The following ENOX2 variants were observed in gnomAD, a reference collection of about 807,000 sequenced individuals.
The protein encoded by ENOX2 is APK1 antigen.
ENOX2 carries 36 observed loss-of-function variants against 45.0 expected under a neutral mutation model. The ratio of observed to expected loss-of-function variants is 0.80; its 90% CI spans 0.61 to 1.06. The LOEUF is 1.06. ENOX2 is among the 50% of genes least tolerant of loss of function. The pLI, the probability that ENOX2 is intolerant of heterozygous loss-of-function variation, is 0.00. For synonymous variants in ENOX2, 174 were observed against 152.3 expected (o/e 1.14, Z -1.05); for missense variants, 423 against 462.5 (o/e 0.91, Z 0.78).
intron 2 of ENOX2, among the ~76,000 whole-genome samples, chrX:130,826,318 T>C (rs2077720069): frequency 9.0e-6 from 1 of 111,495 alleles, no homozygotes; most frequent in African/African-American, 3.3e-5. Context: ...TTTTTGTAAA[T>C]AAATAAATAA....
At chrX:130,700,644 A>G (rs1307486515) in intron 4 of ENOX2, among the ~76,000 whole-genome samples, 1 of 112,269 alleles carries the variant, frequency 8.9e-6, no homozygotes, top group Non-Finnish European at 1.9e-5. Context: ...CCTCTACATC[A>G]AAGAGCATAT....
intron 2 of ENOX2, among the ~76,000 whole-genome samples, chrX:130,845,407 G>A (rs998081836): frequency 6.2e-5 from 7 of 112,747 alleles, no homozygotes; most frequent in East Asian, 2.8e-4. Context: ...AGCTCTTTCA[G>A]TGCAAAGAAG....
At chrX:130,865,060 G>A (rs1167893147) in intron 2 of ENOX2, among the ~76,000 whole-genome samples, 1 of 69,267 alleles carries the variant, frequency 1.4e-5, no homozygotes, top group Non-Finnish European at 2.8e-5. Context: ...TTTTTTTTTT[G>A]AAATTAACGA....
rs73635936 is a variant in ENOX2 at position 130,714,655 on chromosome X, T to C, written c.-38-11401A>G. Among the ~76,000 whole-genome samples the C allele has an allele frequency of 4.6e-3, 510 of 112,070 alleles. 5 individuals carry two copies. Among genetic ancestry groups the C allele is most frequent in the African/African-American group, 0.016 (493 of 30,874 alleles). Reference sequence around the variant, plus strand: ...AGACTACGAGATACATTCTGAATATTAATTTAACAAACTTGTGAAAGCCAT... The same window carrying C: ...AGACTACGAGATACATTCTGAATATCAATTTAACAAACTTGTGAAAGCCAT... On this transcript the variant is annotated intron_variant, in intron 3 of 14. Transcript: ENST00000394363.
At chrX:130,663,424 G>C (rs1227659663) in intron 9 of ENOX2, among the ~76,000 whole-genome samples, 1 of 109,616 alleles carries the variant, frequency 9.1e-6, no homozygotes, top group Non-Finnish European at 1.9e-5. Flanking sequence ...CCAGCTACTT[G>C]GGAGGCTGAG....
At chrX:130,802,719 T>C (rs1023522891) in intron 2 of ENOX2, among the ~76,000 whole-genome samples, 2 of 111,662 alleles carry the variant, frequency 1.8e-5, no homozygotes, top group Non-Finnish European at 3.8e-5. Flanking sequence ...TTTTTAATAA[T>C]TACTAGGAGC....
chrX:130,681,307 A>C (rs937832015), intron 5 of ENOX2, among the ~76,000 whole-genome samples: 4 of 112,340 alleles, frequency 3.6e-5, no homozygotes, highest in African/African-American at 9.7e-5. Flanking sequence ...ATTTGAATCA[A>C]TTTGGAAGTT....
intron 9 of ENOX2, among the ~76,000 whole-genome samples, chrX:130,658,925 C>T (rs1014208693): frequency 8.9e-6 from 1 of 112,053 alleles, no homozygotes; most frequent in African/African-American, 3.2e-5. Flanking sequence ...TGGATATAAA[C>T]ACAGACCTTC....
chrX:130,821,742 TAAAAAAAA>T lies in ENOX2; in HGVS notation c.-182-38060_-182-38053del. 7.8e-4 allele frequency among the ~76,000 whole-genome samples: 18 copies of T among 23,162 alleles called. No individual in the cohort carries two copies. The South Asian group carries it at 0.011, about 14-fold the overall frequency. 20.1% of individuals were successfully genotyped at this position (23,162 alleles called of 115,157 possible). On this transcript the variant is annotated intron_variant, in intron 2 of 14. Transcript: ENST00000394363. The stretch of plus-strand genomic sequence containing the variant: ...AATAAATAAAAATAAATAAATAAAT[TAAAAAAAA>T]AAAAAAAAAAAAAAAAAAAGAATAA...
At chrX:130,670,516 TG>T (rs1276465602) in intron 6 of ENOX2, among the ~76,000 whole-genome samples, 2 of 110,744 alleles carry the variant, frequency 1.8e-5, no homozygotes, top group Non-Finnish European at 3.8e-5. Context: ...GTTGGCTCCG[TG>T]GGTAATAGTA....
chrX:130,882,422 CAGTT>C (rs1211569319), intron 2 of ENOX2, among the ~76,000 whole-genome samples: 2 of 108,517 alleles, frequency 1.8e-5, no homozygotes, highest in African/African-American at 3.4e-5. Flanking sequence ...AACATTCTAA[CAGTT>C]AGGCATAAAA....
chrX:130,744,067 A>G (rs1477264823), intron 3 of ENOX2, among the ~76,000 whole-genome samples: 1 of 112,028 alleles, frequency 8.9e-6, no homozygotes, highest in Non-Finnish European at 1.9e-5. Context: ...CATTTCATGG[A>G]ATCCCCATAA....
intron 2 of ENOX2, among the ~76,000 whole-genome samples, chrX:130,798,221 G>T (rs1467589318): frequency 9.0e-6 from 1 of 111,261 alleles, no homozygotes; most frequent in Non-Finnish European, 1.9e-5. Context: ...TTCCAGACTG[G>T]CCTGGGCAAC....
chrX:130,750,715 G>A (rs1345932568), intron 3 of ENOX2, among the ~76,000 whole-genome samples: 2 of 110,560 alleles, frequency 1.8e-5, no homozygotes, highest in Non-Finnish European at 3.8e-5. Flanking sequence ...CACAGCCTAC[G>A]TTTTTCTCTT....
At chrX:130,737,497 C>T (rs1205053909) in intron 3 of ENOX2, among the ~76,000 whole-genome samples, 1 of 112,453 alleles carries the variant, frequency 8.9e-6, no homozygotes, top group Non-Finnish European at 1.9e-5. Context: ...TTCTGAAATG[C>T]TTCCAAAATA....
intron 3 of ENOX2, among the ~76,000 whole-genome samples, chrX:130,742,111 CAGCTTGCTG>C (rs2038995054): frequency 9.0e-6 from 1 of 110,771 alleles, no homozygotes; most frequent in African/African-American, 3.3e-5. Flanking sequence ...CTAAAAACGA[CAGCTTGCTG>C]AGCTTGCTGG....
intron 2 of ENOX2, among the ~76,000 whole-genome samples, chrX:130,792,628 A>C (rs1385314091): frequency 9.0e-6 from 1 of 110,969 alleles, no homozygotes; most frequent in Non-Finnish European, 1.9e-5. Context: ...CCCCGTCTCT[A>C]CTAAAAATAC....
In ENOX2 at chrX:130,899,984, C is replaced by T. The variant is rs751925307; in HGVS notation, c.-183+1700G>A. Among the ~76,000 whole-genome samples, 18 of 112,209 alleles carry T rather than the reference C, an allele frequency of 1.6e-4. No homozygotes were observed. The South Asian group carries it at 2.7e-3, about 17-fold the overall frequency. ...CTCCTAAATGTTTCTCAAATCTCTT[C>T]GCTCCGCTCACGTCACTACTCTTGG... is the stretch of plus-strand genomic sequence containing the variant. On this transcript the variant is annotated intron_variant, in intron 2 of 14. Transcript: ENST00000394363.
At chrX:130,730,171 T>C (rs1217148164) in intron 3 of ENOX2, among the ~76,000 whole-genome samples, 1 of 112,242 alleles carries the variant, frequency 8.9e-6, no homozygotes, top group Non-Finnish European at 1.9e-5. Context: ...CACATGTATA[T>C]ACACAGAGGG....
Sources: allele counts gnomAD v4.1 joint callset (sites outside exome capture counted in the v4.1 genomes callset), GRCh38; gene constraint gnomAD v4.1.1; transcripts MANE v1.5; gene names NCBI Gene and HGNC (gene_info 2026-07-23, HGNC 2026-07-21).